Variants in CNPY4 observed in about 807,000 individuals in gnomAD.
The protein encoded by CNPY4 is canopy FGF signaling regulator 4.
Under a neutral mutation model 30.1 loss-of-function variants are expected in CNPY4, and 33 were observed. The observed-to-expected ratio is 1.10, with a 90% confidence interval of 0.83 to 1.46. CNPY4 has a LOEUF of 1.46. CNPY4 is among the 40% of genes most tolerant of loss of function. CNPY4 has a pLI of 0.00. For synonymous variants in CNPY4, 109 were observed against 110.1 expected (o/e 0.99, Z 0.06); for missense variants, 324 against 302.6 (o/e 1.07, Z -0.52).
intron 3 of CNPY4, 37 bp downstream of exon 3, chr7:100,122,614 G>C: frequency 6.4e-7 from 1 of 1,557,326 alleles, no homozygotes; most frequent in Admixed American, 1.8e-5. Flanking sequence ...CCACTTCTCA[G>C]ATACAAAGAT....
intron 1 of CNPY4, chr7:100,122,053 A>AAG: frequency 2.1e-6 from 1 of 486,094 alleles, no homozygotes; most frequent in East Asian, 4.6e-5. Context: ...CCGTCTGAAA[A>AAG]AAAAAAAAAA....
At position 100,122,784 on chromosome 7, in the gene CNPY4, G is replaced by T. The variant is rs1179440731; in HGVS notation, c.343G>T (p.Gly115Cys). Reference sequence around the variant, plus strand: ...TGATGCCAAATTCTTAATCTCTCAGGGTCAGAGTCAGACCATGGCAACACT... The same window carrying T: ...TGATGCCAAATTCTTAATCTCTCAGTGTCAGAGTCAGACCATGGCAACACT... ...ERKGSLRYAKGQSQTMATLKG... is the reference protein window; with the variant it reads ...ERKGSLRYAKCQSQTMATLKG... Residue 115 changes from glycine (G) to cysteine (C), a missense_variant and splice_region_variant, in exon 4 of 6, where the codon GGT becomes TGT. By Grantham distance (159) the Gly-to-Cys change is radical (BLOSUM62 -3). Coordinates refer to ENST00000262932, the MANE Select transcript of CNPY4 (RefSeq NM_152755.2). 1.2e-6 allele frequency: 2 copies of T among 1,612,716 alleles called. No individual in the cohort carries two copies. The highest frequency in any genetic ancestry group is 1.7e-6 in the Non-Finnish European group (2 of 1,179,438).
chr7:100,122,507 A>G lies in CNPY4; in HGVS notation c.272A>G (p.Glu91Gly). ...GAGACAAGGCTGGAAGAGGCCTTAG[A>G]GAATTTATGTGAGCGGATCCTGGAC... ...VSETRLEEAL[E>G]NLCERILDYS... is the part of the protein sequence containing the mutation. The change falls in exon 3 of 6, where the codon GAG becomes GGG. Residue 91 changes from glutamate (E) to glycine (G), a missense_variant. Physicochemically the swap from Glu to Gly is moderately conservative, Grantham distance 98. Transcript: ENST00000262932. 6.2e-7 allele frequency: 1 copy of G among 1,613,920 alleles called. No individual in the cohort carries two copies. The highest frequency in any genetic ancestry group is 1.3e-5 in the African/African-American group (1 of 74,960).
rs1797971122 is a variant in CNPY4, at chr7:100,119,793, C to T, written c.49C>T (p.His17Tyr). The T allele has an allele frequency of 6.2e-7, 1 of 1,613,938 alleles. No homozygotes were observed. Residue 17 changes from histidine (H) to tyrosine (Y), a missense_variant, in exon 1 of 6, where the codon CAC (histidine) becomes TAC (tyrosine). Physicochemically the swap from His to Tyr is moderately conservative, Grantham distance 83 (BLOSUM62 2). Coordinates refer to ENST00000262932, the MANE Select transcript of CNPY4 (RefSeq NM_152755.2). ...ATTGCTTTTCCTTTTTTTGGCCGTG[C>T]ACGAGGCTTGGGCTGGGATGTTGAA... ...GILLFLFLAV[H>Y]EAWAGMLKEE...
chr7:100,122,051 A>AG (rs1396475545), intron 1 of CNPY4: 2 of 383,820 alleles, frequency 5.2e-6, no homozygotes, highest in Non-Finnish European at 9.3e-6. Flanking sequence ...GTCCGTCTGA[A>AG]AAAAAAAAAA....
intron 1 of CNPY4, chr7:100,121,940 C>A: frequency 3.9e-6 from 1 of 259,176 alleles, no homozygotes; most frequent in South Asian, 3.8e-5. Flanking sequence ...GTCCCAGCTA[C>A]TCGGGAGACT....
chr7:100,122,159 A>G, intron 1 of CNPY4, 100 bp from the exon 2 acceptor site: 1 of 1,473,678 alleles, frequency 6.8e-7, no homozygotes, highest in African/African-American at 1.4e-5. Flanking sequence ...CTGGCTCCAT[A>G]GTCTGCACTT....
At chr7:100,123,218 T>G (rs562120089) in intron 4 of CNPY4, among the ~76,000 whole-genome samples, 1 of 152,066 alleles carries the variant, frequency 6.6e-6, no homozygotes, top group East Asian at 1.9e-4. Flanking sequence ...GGTGCACGCC[T>G]GTGATCCCAG....
intron 4 of CNPY4, 126 bp downstream of exon 4, chr7:100,123,032 T>C: frequency 2.8e-6 from 3 of 1,081,082 alleles, no homozygotes; most frequent in Non-Finnish European, 3.8e-6. Flanking sequence ...GTGAGGACTG[T>C]GCCATTGATT....
chr7:100,123,869 G>T (rs761248468), intron 4 of CNPY4, among the ~76,000 whole-genome samples: 2 of 152,130 alleles, frequency 1.3e-5, no homozygotes, highest in African/African-American at 2.4e-5. Flanking sequence ...GATGGCTCAC[G>T]TATGTAATCC....
rs184269397 is a variant in CNPY4 at position 100,121,817 on chromosome 7, A to G, written c.119-442A>G. Among the ~76,000 whole-genome samples the G allele has an allele frequency of 2.6e-3, 399 of 151,254 alleles. 2 individuals are homozygous for G. The highest frequency in any genetic ancestry group is 6.6e-3 in the African/African-American group (273 of 41,318). On this transcript the variant is annotated intron_variant, in intron 1 of 5. Transcript: ENST00000262932. ...TGTAATCCCAGTACTTTGGGAGGCCAAGGCGGGCGGATCACAAGGTCAGCT... is the reference window on the plus strand; with the variant it reads ...TGTAATCCCAGTACTTTGGGAGGCCGAGGCGGGCGGATCACAAGGTCAGCT...
At chr7:100,120,834 C>T (rs1182569832) in intron 1 of CNPY4, among the ~76,000 whole-genome samples, 1 of 151,976 alleles carries the variant, frequency 6.6e-6, no homozygotes, top group East Asian at 1.9e-4. Context: ...GAGTTCAGGC[C>T]CAGCTTCACC....
In CNPY4 at chr7:100,125,077, T is replaced by G; in HGVS notation, c.*189T>G. ...ATGACATGGCTTCTGGGGTGGAGGG[T>G]GGGGGTGGAGGTCCTGCTCCTAGAG... is the stretch of plus-strand genomic sequence containing the variant. On this transcript the variant is annotated 3_prime_UTR_variant, in exon 6 of 6. Transcript: ENST00000262932. 1.6e-6 allele frequency: 1 copy of G among 615,736 alleles called. No individual in the cohort carries two copies. The highest frequency in any genetic ancestry group is 2.7e-6 in the Non-Finnish European group (1 of 365,572). The allele number at this position is 615,736 out of a possible 1,614,324, so 38.1% of individuals were successfully genotyped here. A position where few individuals can be genotyped will look rare whatever the true frequency, so the allele number is the denominator to read the frequency against.
chr7:100,121,824 G>A (rs1798079120), intron 1 of CNPY4, among the ~76,000 whole-genome samples: 1 of 151,828 alleles, frequency 6.6e-6, no homozygotes, highest in Admixed American at 6.5e-5. Context: ...GCCAAGGCGG[G>A]CGGATCACAA....
chr7:100,122,895 C>T lies in CNPY4; in HGVS notation c.454C>T (p.Leu152Phe), dbSNP rs1240333636. 1 of 1,612,718 alleles carries T rather than the reference C, an allele frequency of 6.2e-7. No individual in the cohort carries two copies. Among genetic ancestry groups the T allele is most frequent in the South Asian group, 1.1e-5 (1 of 90,774 alleles). Reference sequence around the variant, plus strand: ...TGAGCCCAGCGTGGAGGTCACATACCTCAAGAAGCAGGTAGGATAAGACAC... The same window carrying T: ...TGAGCCCAGCGTGGAGGTCACATACTTCAAGAAGCAGGTAGGATAAGACAC... The part of the protein sequence containing the change: ...WDEPSVEVTY[L>F]KKQCETMLEE... The change falls in exon 4 of 6, where the codon CTC becomes TTC. Residue 152 changes from leucine to phenylalanine, a missense_variant. Physicochemically the swap from Leu to Phe is conservative, Grantham distance 22. Transcript: ENST00000262932.
chr7:100,122,788 A>T lies in CNPY4; in HGVS notation c.347A>T (p.Gln116Leu). Reference sequence around the variant, plus strand: ...GCCAAATTCTTAATCTCTCAGGGTCAGAGTCAGACCATGGCAACACTGAAA... The same window carrying T: ...GCCAAATTCTTAATCTCTCAGGGTCTGAGTCAGACCATGGCAACACTGAAA... ...RKGSLRYAKG[Q>L]SQTMATLKGL... The change falls in exon 4 of 6, where the codon CAG becomes CTG. Residue 116 changes from glutamine to leucine, a missense_variant. Physicochemically the swap from Gln to Leu is moderately radical, Grantham distance 113. Transcript: ENST00000262932. 1 of 1,613,404 alleles carries T rather than the reference A, an allele frequency of 6.2e-7. No individual in the cohort carries two copies. Among genetic ancestry groups the T allele is most frequent in the East Asian group, 2.2e-5 (1 of 44,872 alleles).
intron 1 of CNPY4, among the ~76,000 whole-genome samples, chr7:100,121,875 C>G (rs1252171829): frequency 1.5e-5 from 2 of 135,772 alleles, no homozygotes; most frequent in African/African-American, 2.7e-5. Context: ...ACGGTGAAAC[C>G]CTGTCTCTAC....
At chr7:100,121,112 A>ATTTTTT (rs1798040006) in intron 1 of CNPY4, 11 of 30,718 alleles carry the variant, frequency 3.6e-4, no homozygotes, top group East Asian at 5.7e-4. Flanking sequence ...ATATATATAT[A>ATTTTTT]TATATTTTTT....
chr7:100,123,172 T>C, intron 4 of CNPY4, among the ~76,000 whole-genome samples: 1 of 151,840 alleles, frequency 6.6e-6, no homozygotes, highest in East Asian at 1.9e-4. Context: ...CAAAACCCCG[T>C]CTTTAATAAA....
Sources: gnomAD v4.1 joint callset for allele counts (sites outside exome capture counted in the v4.1 genomes callset) on GRCh38, gnomAD v4.1.1 for gene constraint, MANE v1.5 for transcripts, NCBI Gene and HGNC (gene_info 2026-07-23, HGNC 2026-07-21) for gene names.